SNX8: variants seen among roughly 807,000 people sequenced by gnomAD.
SNX8 encodes sorting nexin-8.
In SNX8, 25 loss-of-function variants were observed where a neutral mutation model predicts 51.6. The ratio of observed to expected loss-of-function variants is 0.48; its 90% CI spans 0.35 to 0.68. The LOEUF (loss-of-function observed/expected upper bound fraction) is 0.68. Among genes scored for constraint, SNX8 ranks in the 30% least tolerant of loss-of-function variants. The probability of loss-of-function intolerance (pLI) is 0.00; values close to 1 mark genes in which losing one functional copy is unlikely to be tolerated. For synonymous variants in SNX8, 324 were observed against 277.0 expected, an observed-to-expected ratio of 1.17 and a Z score of -1.68; for missense variants, 695 against 624.0, an observed-to-expected ratio of 1.11 and a Z score of -1.21.
intron 1 of SNX8, among the ~76,000 whole-genome samples, chr7:2,291,462 G>T (rs1796149691): frequency 6.6e-6 from 1 of 152,090 alleles, no homozygotes; most frequent in African/African-American, 2.4e-5. Flanking sequence ...GCTGGCTGTG[G>T]TGGCACATGC....
At chr7:2,266,648 T>TTG (rs1795471472) in intron 5 of SNX8, among the ~76,000 whole-genome samples, 1 of 151,984 alleles carries the variant, frequency 6.6e-6, no homozygotes, top group Non-Finnish European at 1.5e-5. Flanking sequence ...CCCGGCCGGT[T>TTG]TTTTGGGGTT....
intron 1 of SNX8, 66 bp from the exon 2 acceptor site, chr7:2,278,371 C>T: frequency 9.9e-7 from 1 of 1,013,408 alleles, no homozygotes; most frequent in Non-Finnish European, 1.4e-6. Flanking sequence ...TGGCTGGGCA[C>T]AGTGGCGCAG....
chr7:2,271,338 G>T (rs2115120784), intron 4 of SNX8, among the ~76,000 whole-genome samples: 1 of 152,352 alleles, frequency 6.6e-6, no homozygotes, highest in Middle Eastern at 3.4e-3. Flanking sequence ...CACTGTACCT[G>T]CGAACTGTAG....
chr7:2,277,746 G>T (rs1795813767), intron 2 of SNX8, among the ~76,000 whole-genome samples: 1 of 151,962 alleles, frequency 6.6e-6, no homozygotes, highest in African/African-American at 2.4e-5. Flanking sequence ...GGCAGAGTTT[G>T]CAGTGAGCCG....
upstream of SNX8, among the ~76,000 whole-genome samples, chr7:2,316,356 T>TTCAC (rs536802105): frequency 5.5e-5 from 8 of 146,132 alleles, no homozygotes; most frequent in South Asian, 4.4e-4. Flanking sequence ...CATTCATTCA[T>TTCAC]TCACTCACTC....
chr7:2,351,607 C>A (rs555735982), intron 1 of SNX8, among the ~76,000 whole-genome samples: 1 of 151,480 alleles, frequency 6.6e-6, no homozygotes. Flanking sequence ...CCAAGGCGGG[C>A]GGATCACGAG....
intron 1 of SNX8, among the ~76,000 whole-genome samples, chr7:2,335,751 C>T (rs1254157689): frequency 2.2e-5 from 3 of 138,068 alleles, no homozygotes; most frequent in African/African-American, 5.6e-5. Context: ...TGCGGTGAGC[C>T]GAGACCGCGG....
At chr7:2,284,396 C>CTTTTTTTTTTTT (rs751803296) in intron 1 of SNX8, among the ~76,000 whole-genome samples, 4 of 88,908 alleles carry the variant, frequency 4.5e-5, no homozygotes, top group African/African-American at 8.9e-5. Context: ...CTTTTATTTC[C>CTTTTTTTTTTTT]TTTTTTTTTT....
In SNX8 at chr7:2,314,323, C is replaced by T; in HGVS notation, c.94+5G>A. On this transcript the variant is annotated splice_donor_5th_base_variant and intron_variant, in intron 1 of 10. Transcript: ENST00000222990. ...GGTGGGGGCTACCGCCGCCCCACGCCCTACCTGACGCCGGGGGATCCGCCT... is the reference window on the plus strand; with the variant it reads ...GGTGGGGGCTACCGCCGCCCCACGCTCTACCTGACGCCGGGGGATCCGCCT... The T allele has an allele frequency of 8.2e-7, 1 of 1,222,234 alleles. No individual in the cohort carries two copies. The highest frequency in any genetic ancestry group is 1.0e-6 in the Non-Finnish European group (1 of 981,606). The allele number at this position is 1,222,234 out of a possible 1,614,324, so 75.7% of individuals were successfully genotyped here. A position where few individuals can be genotyped will look rare whatever the true frequency, so the allele number is the denominator to read the frequency against.
At chr7:2,264,235 C>T (rs1795407214) in intron 6 of SNX8, 63 bp downstream of exon 6, 2 of 1,517,592 alleles carry the variant, frequency 1.3e-6, no homozygotes, top group Admixed American at 1.7e-5. Context: ...CGCCCAAGCC[C>T]TTCACCAGCA....
chr7:2,285,448 G>A (rs1423505346), intron 1 of SNX8, among the ~76,000 whole-genome samples: 1 of 152,108 alleles, frequency 6.6e-6, no homozygotes, highest in Non-Finnish European at 1.5e-5. Context: ...ACTGTTCTCA[G>A]GAAATGGAAG....
chr7:2,350,283 G>C (rs909673683), intron 1 of SNX8, among the ~76,000 whole-genome samples: 2 of 152,164 alleles, frequency 1.3e-5, no homozygotes, highest in African/African-American at 2.4e-5. Context: ...GCAAGGGAGG[G>C]GTTAGTCTCG....
rs528613671 is a variant in SNX8, at chr7:2,252,737, C to G, written c.*2319G>C. On this transcript the variant is annotated 3_prime_UTR_variant, in exon 11 of 11. Coordinates refer to ENST00000222990, the MANE Select transcript of SNX8 (RefSeq NM_013321.4). ...CTCTCCTCACCCCTGCCCTCTTGCT[C>G]TCTCCTCACCCCTGCCCTCCTGCTC... is the stretch of plus-strand genomic sequence containing the variant. 3 of 118,886 alleles carry G rather than the reference C, an allele frequency of 2.5e-5. No homozygotes were observed. Among genetic ancestry groups the G allele is most frequent in the Non-Finnish European group, 5.2e-5 (3 of 57,214 alleles). 7.4% of individuals were successfully genotyped at this position (118,886 alleles called of 1,614,324 possible).
intron 1 of SNX8, among the ~76,000 whole-genome samples, chr7:2,337,766 TA>T (rs200789837): frequency 0.029 from 3,852 of 131,026 alleles, 116 homozygotes; most frequent in Admixed American, 0.072. Flanking sequence ...TTTATTACAT[TA>T]AAAAAAAAAC....
At chr7:2,268,014 G>A (rs1414673507) in intron 5 of SNX8, among the ~76,000 whole-genome samples, 6 of 151,542 alleles carry the variant, frequency 4.0e-5, no homozygotes, top group African/African-American at 1.5e-4. Context: ...ACCCCGTCTG[G>A]GAGGTGAGGA....
intron 1 of SNX8, among the ~76,000 whole-genome samples, chr7:2,352,320 G>C (rs1345786845): frequency 1.3e-5 from 2 of 151,810 alleles, no homozygotes; most frequent in Non-Finnish European, 2.9e-5. Context: ...AAACACAGTA[G>C]CCCCCCCGAC....
chr7:2,314,244 G>A, intron 1 of SNX8, 84 bp downstream of exon 1: 1 of 1,200,820 alleles, frequency 8.3e-7, no homozygotes, highest in Non-Finnish European at 1.0e-6. Flanking sequence ...CGGGGACCAA[G>A]CGCGGCGGCT....
chr7:2,297,925 G>GT (rs1796308080), intron 1 of SNX8, among the ~76,000 whole-genome samples: 1 of 151,810 alleles, frequency 6.6e-6, no homozygotes. Context: ...ATTACCTACT[G>GT]TGTACCATGG....
At chr7:2,276,897 A>T (rs1188890064) in intron 2 of SNX8, among the ~76,000 whole-genome samples, 1 of 152,182 alleles carries the variant, frequency 6.6e-6, no homozygotes, top group Admixed American at 6.5e-5. Context: ...GTGAGCTATG[A>T]TCGTGCCACT....
Sources: allele counts gnomAD v4.1 joint callset (sites outside exome capture counted in the v4.1 genomes callset), GRCh38; gene constraint gnomAD v4.1.1; transcripts MANE v1.5; gene names NCBI Gene and HGNC (gene_info 2026-07-23, HGNC 2026-07-21).